The following NPIPA1 variants were observed in gnomAD, a reference collection of about 807,000 sequenced individuals.
The protein encoded by NPIPA1 is nuclear pore complex interacting protein family member A1.
For synonymous variants in NPIPA1, 7 were observed against 88.0 expected (o/e 0.08, Z 5.15); for missense variants, 22 against 232.2 (o/e 0.09, Z 5.88).
Position 14,951,772 on chromosome 16 carries a change from C to A in NPIPA1, c.800C>A (p.Ser267Tyr), listed in dbSNP as rs376915249. 15 of 1,489,994 alleles carry A rather than the reference C, an allele frequency of 1.0e-5. 2 individuals are homozygous for A. The highest frequency in any genetic ancestry group is 2.2e-4 in the Middle Eastern group (1 of 4,484). 92.3% of individuals were successfully genotyped at this position (1,489,994 alleles called of 1,614,324 possible). Residue 267 changes from serine to tyrosine, a missense_variant, in exon 8 of 8, where the codon TCC becomes TAC. Ser to Tyr is a moderately radical substitution (Grantham distance 144). Coordinates refer to ENST00000328085, the MANE Select transcript of NPIPA1 (RefSeq NM_006985.4). ...AACTCCCTGAGCCTCAAGACACCTTCCGAGTGTCTGCTCACTCCCCTTCCA... is the reference window on the plus strand; with the variant it reads ...AACTCCCTGAGCCTCAAGACACCTTACGAGTGTCTGCTCACTCCCCTTCCA... Reference protein sequence around the residue: ...IDNSLSLKTPSECLLTPLPPS... With the variant: ...IDNSLSLKTPYECLLTPLPPS...
intron 1 of NPIPA1, among the ~76,000 whole-genome samples, chr16:14,937,860 C>G (rs1456102858): frequency 7.0e-6 from 1 of 142,778 alleles, no homozygotes; most frequent in South Asian, 2.5e-4. Flanking sequence ...AAAGCAGAAC[C>G]TTTGTCTCCC....
In NPIPA1 at chr16:14,945,205, C is replaced by A. The variant is rs865951775; in HGVS notation, c.193-369C>A. ...GGATTACAGGAGTGAGCCACCATGC[C>A]AGCCTCATGTCATTCTTGTGTGGTG... On this transcript the variant is annotated intron_variant, in intron 2 of 7. Coordinates refer to ENST00000328085, the MANE Select transcript of NPIPA1 (RefSeq NM_006985.4). Among the ~76,000 whole-genome samples, 14 of 149,474 alleles carry A rather than the reference C, an allele frequency of 9.4e-5. No individual in the cohort carries two copies. In the South Asian group the frequency reaches 3.0e-3, roughly 32 times the overall value.
chr16:14,938,867 C>T (rs1381855273), intron 1 of NPIPA1, among the ~76,000 whole-genome samples: 224 of 150,348 alleles, frequency 1.5e-3, no homozygotes, highest in African/African-American at 5.2e-3. Flanking sequence ...GCCTCCTGAG[C>T]AGCTCAGATT....
intron 2 of NPIPA1, among the ~76,000 whole-genome samples, chr16:14,944,684 C>T (rs1423926626): frequency 6.6e-6 from 1 of 150,392 alleles, no homozygotes; most frequent in South Asian, 2.1e-4. Flanking sequence ...TGGCTCACTG[C>T]AACCTCTGCC....
chr16:14,944,014 T>C (rs1965817057), intron 2 of NPIPA1, among the ~76,000 whole-genome samples: 1 of 152,056 alleles, frequency 6.6e-6, no homozygotes. Flanking sequence ...CCAGGCATGG[T>C]AGCAGGCACC....
At chr16:14,951,524 C>A in intron 7 of NPIPA1, 91 bp from the exon 8 acceptor site, 1 of 667,204 alleles carries the variant, frequency 1.5e-6, no homozygotes, top group East Asian at 3.3e-5. Flanking sequence ...AAATCTATCA[C>A]CAGCAACAGA....
At chr16:14,943,732 C>T (rs1484630928) in intron 2 of NPIPA1, among the ~76,000 whole-genome samples, 2 of 151,960 alleles carry the variant, frequency 1.3e-5, no homozygotes, top group Non-Finnish European at 2.9e-5. Flanking sequence ...GTGGGATAGA[C>T]GTGGTTGCTC....
chr16:14,946,427 G>A (rs1965887328), intron 4 of NPIPA1, among the ~76,000 whole-genome samples: 1 of 149,382 alleles, frequency 6.7e-6, no homozygotes, highest in Non-Finnish European at 1.5e-5. Flanking sequence ...TCACCATGTT[G>A]TCCAGACTGG....
chr16:14,941,166 G>A (rs1194980292), intron 1 of NPIPA1, among the ~76,000 whole-genome samples: 11 of 151,628 alleles, frequency 7.3e-5, no homozygotes, highest in African/African-American at 2.2e-4. Context: ...GGCCGGGCAC[G>A]GTGGCTCACA....
intron 1 of NPIPA1, chr16:14,941,545 G>A (rs1487842698): frequency 1.9e-3 from 252 of 133,024 alleles, no homozygotes; most frequent in South Asian, 7.3e-3. Context: ...AATATAGGCA[G>A]GGAAGTCAAA....
At chr16:14,943,218 G>A (rs2151078514) in intron 2 of NPIPA1, among the ~76,000 whole-genome samples, 1 of 151,812 alleles carries the variant, frequency 6.6e-6, no homozygotes, top group South Asian at 2.1e-4. Context: ...GTATAATGGT[G>A]TGATCTCGGC....
At chr16:14,938,926 G>A (rs376333909) in intron 1 of NPIPA1, among the ~76,000 whole-genome samples, 50 of 145,006 alleles carry the variant, frequency 3.4e-4, no homozygotes, top group Middle Eastern at 3.4e-3. Context: ...GGGTTTCACC[G>A]TGTTCGCCAG....
intron 1 of NPIPA1, among the ~76,000 whole-genome samples, chr16:14,940,637 C>T (rs1406071825): frequency 1.5e-4 from 21 of 140,022 alleles, no homozygotes; most frequent in South Asian, 5.1e-4. Context: ...ACCCGGGAGG[C>T]GGAGGTTGCA....
Position 14,940,215 on chromosome 16 carries a change from C to A in NPIPA1, c.64-1597C>A, listed in dbSNP as rs1163871417. On this transcript the variant is annotated intron_variant, in intron 1 of 7. Transcript: ENST00000328085. Reference sequence around the variant, plus strand: ...AGCCCACCTTGTTACTTTTTAAGAACTAAAATTCGATACTTATTTGTGAAT... The same window carrying A: ...AGCCCACCTTGTTACTTTTTAAGAAATAAAATTCGATACTTATTTGTGAAT... Among the ~76,000 whole-genome samples, 5 of 104,850 alleles carry A rather than the reference C, an allele frequency of 4.8e-5. No individual in the cohort carries two copies. The East Asian group carries it at 1.8e-3, about 38-fold the overall frequency. The allele number at this position is 104,850 out of a possible 152,430, so 68.8% of individuals were successfully genotyped here.
At chr16:14,943,544 A>G (rs1301889200) in intron 2 of NPIPA1, among the ~76,000 whole-genome samples, 3 of 149,144 alleles carry the variant, frequency 2.0e-5, no homozygotes, top group Non-Finnish European at 4.4e-5. Context: ...TGTACCTCTC[A>G]TCTTTGTCCT....
At chr16:14,943,756 A>G (rs1335244985) in intron 2 of NPIPA1, among the ~76,000 whole-genome samples, 1 of 151,614 alleles carries the variant, frequency 6.6e-6, no homozygotes. Context: ...TCATCTTTTT[A>G]GATTACCCAT....
intron 1 of NPIPA1, among the ~76,000 whole-genome samples, chr16:14,938,709 A>G (rs1400568689): frequency 1.3e-5 from 2 of 151,092 alleles, no homozygotes; most frequent in Admixed American, 1.3e-4. Flanking sequence ...ACAAAGTGAA[A>G]TGTCATTTGA....
chr16:14,938,089 C>T (rs1965662044), intron 1 of NPIPA1: 1 of 335,780 alleles, frequency 3.0e-6, no homozygotes, highest in Non-Finnish European at 5.4e-6. Flanking sequence ...CTCCCCTTCC[C>T]CTCCCCCTCC....
intron 2 of NPIPA1, among the ~76,000 whole-genome samples, chr16:14,943,300 G>T (rs1356214756): frequency 1.3e-5 from 2 of 151,352 alleles, no homozygotes; most frequent in African/African-American, 4.9e-5. Flanking sequence ...GGGATTACAG[G>T]TGCCCACCAC....
Sources: allele counts gnomAD v4.1 joint callset (sites outside exome capture counted in the v4.1 genomes callset), GRCh38; gene constraint gnomAD v4.1.1; transcripts MANE v1.5; gene names NCBI Gene and HGNC (gene_info 2026-07-23, HGNC 2026-07-21).